STK3: variants seen among roughly 807,000 people sequenced by gnomAD.
STK3 encodes serine/threonine kinase 3.
STK3 carries 41 observed loss-of-function variants against 58.0 expected under a neutral mutation model. The observed-to-expected ratio is 0.71, with a 90% confidence interval of 0.55 to 0.92. The LOEUF is 0.92. STK3 is among the 40% of genes least tolerant of loss of function. The probability of loss-of-function intolerance (pLI) is 0.00; values close to 1 mark genes in which losing one functional copy is unlikely to be tolerated. For missense variants in STK3, 479 were observed against 602.7 expected (o/e 0.79, Z 2.15); for synonymous variants, 170 against 191.0 (o/e 0.89, Z 0.91).
intron 3 of STK3, among the ~76,000 whole-genome samples, chr8:98,755,520 T>C (rs1426403177): frequency 6.6e-6 from 1 of 152,228 alleles, no homozygotes; most frequent in Non-Finnish European, 1.5e-5. Context: ...TGGAAGGCAC[T>C]GGAGTATGTG....
intron 6 of STK3, among the ~76,000 whole-genome samples, chr8:98,698,104 T>C (rs1411790427): frequency 6.6e-6 from 1 of 152,172 alleles, no homozygotes; most frequent in Non-Finnish European, 1.5e-5. Flanking sequence ...ATTGATCCCT[T>C]CACCATTATG....
rs1005728549 is a variant in STK3 at position 98,815,371 on chromosome 8, G to A, written c.26+10144C>T. On this transcript the variant is annotated intron_variant, in intron 1 of 10. Coordinates refer to ENST00000419617, the MANE Select transcript of STK3 (RefSeq NM_006281.4). ...GAATAAAATGCTATTAAAAATAACA[G>A]GATATTAGTTATTAGGATATTAGTC... Among the ~76,000 whole-genome samples the A allele has an allele frequency of 3.9e-5, 6 of 152,270 alleles. No individual in the cohort carries two copies. The East Asian group carries it at 1.2e-3, about 29-fold the overall frequency.
chr8:98,801,641 G>C (rs1833555422), intron 1 of STK3, among the ~76,000 whole-genome samples: 1 of 151,988 alleles, frequency 6.6e-6, no homozygotes, highest in Non-Finnish European at 1.5e-5. Flanking sequence ...CCACCAGAAG[G>C]AAGAAACTCC....
chr8:98,352,311 T>G, the STK3 span, among the ~76,000 whole-genome samples: 1 of 152,196 alleles, frequency 6.6e-6, no homozygotes, highest in African/African-American at 2.4e-5. Flanking sequence ...GTCTTTAAAA[T>G]TTTTGAAAGA....
intron 3 of STK3, among the ~76,000 whole-genome samples, chr8:98,752,654 A>G (rs1830053885): frequency 6.6e-6 from 1 of 152,154 alleles, no homozygotes; most frequent in African/African-American, 2.4e-5. Context: ...TCAAGAGAGT[A>G]AATAGATAAC....
the STK3 span, among the ~76,000 whole-genome samples, chr8:98,346,622 A>G: frequency 6.6e-6 from 1 of 152,010 alleles, no homozygotes; most frequent in African/African-American, 2.4e-5. Context: ...TCAAAGGGAC[A>G]AAGATAAGGA....
chr8:98,867,622 A>G (rs964038492), intron 3 of STK3, among the ~76,000 whole-genome samples: 8 of 152,112 alleles, frequency 5.3e-5, no homozygotes, highest in Non-Finnish European at 8.8e-5. Context: ...TTTGTCAGAA[A>G]TGGATCAGAA....
At chr8:98,481,898 A>G (rs1821883544) in intron 10 of STK3, among the ~76,000 whole-genome samples, 1 of 152,322 alleles carries the variant, frequency 6.6e-6, no homozygotes, top group Admixed American at 6.5e-5. Flanking sequence ...CTTGTCACTT[A>G]GTAACCTTCT....
chr8:98,685,531 T>C (rs1823925539), intron 6 of STK3, among the ~76,000 whole-genome samples: 1 of 152,120 alleles, frequency 6.6e-6, no homozygotes, highest in Non-Finnish European at 1.5e-5. Context: ...TAATAAACCT[T>C]AATCCCCAGT....
chr8:98,720,679 A>T (rs1827337076), intron 4 of STK3, among the ~76,000 whole-genome samples: 1 of 143,698 alleles, frequency 7.0e-6, no homozygotes, highest in African/African-American at 2.6e-5. Flanking sequence ...TGAACCCGGG[A>T]GGTGGAGCTT....
chr8:98,750,886 T>TA (rs1377345567), intron 3 of STK3, among the ~76,000 whole-genome samples: 2 of 152,104 alleles, frequency 1.3e-5, no homozygotes, highest in Non-Finnish European at 2.9e-5. Context: ...CAGTGGCACA[T>TA]AAAAAACCTA....
At chr8:98,877,552 C>T (rs898209659) in intron 3 of STK3, among the ~76,000 whole-genome samples, 8 of 151,984 alleles carry the variant, frequency 5.3e-5, no homozygotes, top group South Asian at 2.1e-4. Flanking sequence ...GGCATGATCT[C>T]GGCTCACCAC....
rs776913859 is a variant in STK3, at chr8:98,548,098, G to T, written c.1012C>A (p.Arg338=). ...KTSVESVGTM[R]ATSTMSEGAQ... is the part of the protein sequence containing the mutation. The stretch of plus-strand genomic sequence containing the variant: ...CCTTCACTCATCGTGCTTGTGGCCC[G>T]CATGGTGCCCACACTCTCCACACTA... Residue 338 remains arginine, a synonymous_variant, in exon 9 of 11, where the codon CGG becomes AGG. Transcript: ENST00000419617. 6.2e-7 allele frequency: 1 copy of T among 1,606,828 alleles called. No individual in the cohort carries two copies.
At chr8:98,461,524 G>A (rs551107685) in intron 10 of STK3, among the ~76,000 whole-genome samples, 26 of 152,248 alleles carry the variant, frequency 1.7e-4, no homozygotes, top group African/African-American at 5.3e-4. Context: ...CAGTCATCAC[G>A]TTGGTTGTTT....
intron 8 of STK3, among the ~76,000 whole-genome samples, chr8:98,548,976 T>C (rs942851827): frequency 6.6e-6 from 1 of 152,192 alleles, no homozygotes; most frequent in Non-Finnish European, 1.5e-5. Context: ...TTCCATTGTA[T>C]GAATACACCA....
At chr8:98,847,549 A>G (rs1836255379) in intron 3 of STK3, among the ~76,000 whole-genome samples, 1 of 152,082 alleles carries the variant, frequency 6.6e-6, no homozygotes, top group African/African-American at 2.4e-5. Context: ...CCAACACCCC[A>G]AGATCCAGTA....
intron 10 of STK3, among the ~76,000 whole-genome samples, chr8:98,473,785 C>T (rs1821100915): frequency 6.6e-6 from 1 of 152,154 alleles, no homozygotes; most frequent in African/African-American, 2.4e-5. Flanking sequence ...TTCTCAATCT[C>T]CTTTATTGGC....
chr8:98,854,874 T>C (rs1836610771), intron 3 of STK3, among the ~76,000 whole-genome samples: 1 of 152,068 alleles, frequency 6.6e-6, no homozygotes, highest in African/African-American at 2.4e-5. Context: ...CTGGCAAATA[T>C]GGCGAAACCC....
At chr8:98,814,501 C>T (rs1363012566) in intron 1 of STK3, among the ~76,000 whole-genome samples, 1 of 151,904 alleles carries the variant, frequency 6.6e-6, no homozygotes, top group Non-Finnish European at 1.5e-5. Context: ...GCCACCACGC[C>T]CAGCTAATTT....
Sources: gnomAD v4.1 joint callset for allele counts (sites outside exome capture counted in the v4.1 genomes callset) on GRCh38, gnomAD v4.1.1 for gene constraint, MANE v1.5 for transcripts, NCBI Gene and HGNC (gene_info 2026-07-23, HGNC 2026-07-21) for gene names.